OPRM1: variants seen among roughly 807,000 people sequenced by gnomAD.
OPRM1 encodes the protein opioid receptor mu 1.
In OPRM1, 27 loss-of-function variants were observed where a neutral mutation model predicts 31.8. That is an observed-to-expected ratio of 0.85 (90% confidence interval 0.63 to 1.17). The LOEUF is 1.17. OPRM1 is among the 50% of genes most tolerant of loss of function. The pLI is 0.00. For synonymous variants in OPRM1, 196 were observed against 189.9 expected (o/e 1.03, Z -0.26); for missense variants, 536 against 511.1 (o/e 1.05, Z -0.47).
At chr6:154,133,432 C>T (rs1797981867), downstream of OPRM1, among the ~76,000 whole-genome samples, 1 of 152,200 alleles carries the variant, frequency 6.6e-6, no homozygotes, top group Non-Finnish European at 1.5e-5. Flanking sequence ...ACCCATTCTG[C>T]TATCAATTGA....
chr6:154,032,554 G>T (rs141421298), intron 1 of OPRM1, among the ~76,000 whole-genome samples: 3,003 of 152,274 alleles, frequency 0.02, 38 homozygotes, highest in Non-Finnish European at 0.031. Flanking sequence ...TCCCACCTCA[G>T]CCTACCGAGT....
intron 3 of OPRM1, among the ~76,000 whole-genome samples, chr6:154,104,813 C>T (rs1795351287): frequency 6.6e-6 from 1 of 152,200 alleles, no homozygotes; most frequent in Non-Finnish European, 1.5e-5. Context: ...GAAGGAATTT[C>T]AGGTAAGATC....
chr6:154,040,349 T>C (rs991494968), intron 1 of OPRM1, among the ~76,000 whole-genome samples: 7 of 152,146 alleles, frequency 4.6e-5, no homozygotes, highest in African/African-American at 1.7e-4. Context: ...TTCCTACTCC[T>C]GCTGGTTTAG....
chr6:154,138,725 A>G (rs1433763349), intron 3 of OPRM1, among the ~76,000 whole-genome samples: 2 of 152,244 alleles, frequency 1.3e-5, no homozygotes, highest in African/African-American at 4.8e-5. Context: ...AAAGATGATA[A>G]CAGACCTTTC....
chr6:154,150,482 C>A (rs1798470662), intron 3 of OPRM1, among the ~76,000 whole-genome samples: 1 of 152,186 alleles, frequency 6.6e-6, no homozygotes, highest in South Asian at 2.1e-4. Context: ...AATCAGGCAC[C>A]CAAGATAGGG....
intron 3 of OPRM1, among the ~76,000 whole-genome samples, chr6:154,116,727 T>A (rs950617914): frequency 1.1e-4 from 16 of 152,212 alleles, no homozygotes; most frequent in African/African-American, 3.9e-4. Flanking sequence ...CACAGTGTTT[T>A]AAAGTATAAG....
At chr6:154,138,790 A>T (rs1021331233) in intron 3 of OPRM1, among the ~76,000 whole-genome samples, 18 of 152,232 alleles carry the variant, frequency 1.2e-4, no homozygotes, top group Non-Finnish European at 2.2e-4. Context: ...TAGCCACAAG[A>T]TTAGAAATTA....
At chr6:154,221,071 T>G (rs924889980) in intron 3 of OPRM1, among the ~76,000 whole-genome samples, 1 of 152,204 alleles carries the variant, frequency 6.6e-6, no homozygotes, top group African/African-American at 2.4e-5. Context: ...TACATGTAAT[T>G]CTCCAAACCG....
Position 154,131,942 on chromosome 6 carries a change from G to T in OPRM1, c.*13221G>T, listed in dbSNP as rs1210539642. On this transcript the variant is annotated 3_prime_UTR_variant, in exon 4 of 4. Transcript: ENST00000330432. ...CTGGGAGTTTTTCTATAAGTTTTTG[G>T]TTTTTTTTTTTTTTTCTCTTCATTA... Among the ~76,000 whole-genome samples, 13 of 137,314 alleles carry T rather than the reference G, an allele frequency of 9.5e-5. No homozygotes were observed. Among genetic ancestry groups the T allele is most frequent in the East Asian group, 6.5e-4 (3 of 4,650 alleles). The allele number at this position is 137,314 out of a possible 152,430, so 90.1% of individuals were successfully genotyped here. A position where few individuals can be genotyped will look rare whatever the true frequency, so the allele number is the denominator to read the frequency against.
chr6:154,144,926 C>T (rs1326548970), intron 3 of OPRM1, among the ~76,000 whole-genome samples: 1 of 151,912 alleles, frequency 6.6e-6, no homozygotes, highest in East Asian at 1.9e-4. Flanking sequence ...CAAACTTTAA[C>T]ATCCATTCAT....
intron 3 of OPRM1, among the ~76,000 whole-genome samples, chr6:154,110,692 T>C (rs984675618): frequency 8.6e-5 from 13 of 151,968 alleles, no homozygotes; most frequent in African/African-American, 3.1e-4. Flanking sequence ...ATCGAGATCA[T>C]CCTGGCTAAC....
intron 1 of OPRM1, among the ~76,000 whole-genome samples, chr6:154,061,507 A>G (rs1784410195): frequency 6.6e-6 from 1 of 152,160 alleles, no homozygotes; most frequent in South Asian, 2.1e-4. Context: ...GAATGAAATC[A>G]TGTCCTTTGC....
chr6:154,152,305 A>AAG (rs1798527771), intron 3 of OPRM1, among the ~76,000 whole-genome samples: 1 of 82,290 alleles, frequency 1.2e-5, no homozygotes, highest in Non-Finnish European at 2.4e-5. Flanking sequence ...AGAAGAAAGA[A>AAG]AGAAAGAAAG....
chr6:154,246,433 T>C (rs1055579472), intron 3 of OPRM1, among the ~76,000 whole-genome samples: 3 of 152,220 alleles, frequency 2.0e-5, no homozygotes, highest in African/African-American at 7.2e-5. Flanking sequence ...ATAACCTACA[T>C]ATCTACTGCA....
intron 3 of OPRM1, among the ~76,000 whole-genome samples, chr6:154,103,951 G>C (rs1288701944): frequency 1.3e-5 from 2 of 152,154 alleles, no homozygotes; most frequent in African/African-American, 4.8e-5. Flanking sequence ...CACTGTCTAG[G>C]AATGCAGCCC....
At chr6:154,212,680 T>A in intron 3 of OPRM1, 1 of 834,762 alleles carries the variant, frequency 1.2e-6, no homozygotes, top group Non-Finnish European at 1.9e-6. Flanking sequence ...TTCTAAAAAT[T>A]TATTGGTCAA....
chr6:154,102,247 A>G (rs565289077), intron 3 of OPRM1, among the ~76,000 whole-genome samples: 1 of 152,328 alleles, frequency 6.6e-6, no homozygotes, highest in South Asian at 2.1e-4. Flanking sequence ...GCCCCAGATC[A>G]TACTACTGAT....
intron 3 of OPRM1, among the ~76,000 whole-genome samples, chr6:154,114,264 C>T (rs1273631289): frequency 6.6e-6 from 1 of 152,170 alleles, no homozygotes; most frequent in Non-Finnish European, 1.5e-5. Context: ...CTAGGATCAA[C>T]TTTTGAGTCT....
At chr6:154,137,721 TGA>T (rs1798093729) in intron 3 of OPRM1, among the ~76,000 whole-genome samples, 1 of 152,122 alleles carries the variant, frequency 6.6e-6, no homozygotes, top group Non-Finnish European at 1.5e-5. Context: ...TTATATACCA[TGA>T]GAGTTCAGAA....
Sources: gnomAD v4.1 joint callset for allele counts (sites outside exome capture counted in the v4.1 genomes callset) on GRCh38, gnomAD v4.1.1 for gene constraint, MANE v1.5 for transcripts, NCBI Gene and HGNC (gene_info 2026-07-23, HGNC 2026-07-21) for gene names.